The following NDST4 variants were observed in gnomAD, a reference collection of about 807,000 sequenced individuals.
NDST4 encodes N-heparan sulfate sulfotransferase 4.
NDST4 carries 63 observed loss-of-function variants against 100.8 expected under a neutral mutation model. That is an observed-to-expected ratio of 0.62 (90% CI 0.51 to 0.77). NDST4 has a LOEUF of 0.77. Among genes scored for constraint, NDST4 ranks in the 30% least tolerant of loss-of-function variants. The pLI is 0.00. For synonymous variants in NDST4, 377 were observed against 361.8 expected, an observed-to-expected ratio of 1.04 and a Z score of -0.48; for missense variants, 943 against 1,018.4, an observed-to-expected ratio of 0.93 and a Z score of 1.01.
intron 2 of NDST4, among the ~76,000 whole-genome samples, chr4:115,055,162 C>T (rs1442972305): frequency 6.6e-6 from 1 of 152,096 alleles, no homozygotes; most frequent in Non-Finnish European, 1.5e-5. Context: ...TCATGATCTG[C>T]CACTGTCTCC....
At chr4:114,867,598 C>A (rs1322593817) in intron 7 of NDST4, among the ~76,000 whole-genome samples, 2 of 138,274 alleles carry the variant, frequency 1.4e-5, no homozygotes, top group African/African-American at 5.4e-5. Flanking sequence ...AGAATCTGAC[C>A]TTCTAACTTC....
chr4:115,036,807 A>G (rs943438360), intron 2 of NDST4, among the ~76,000 whole-genome samples: 18 of 152,010 alleles, frequency 1.2e-4, no homozygotes, highest in Non-Finnish European at 1.0e-4. Flanking sequence ...CAATACTACA[A>G]AAAATTTTCA....
chr4:114,830,020 A>G (rs1328175030), intron 12 of NDST4, 128 bp from the exon 13 acceptor site: 1 of 679,500 alleles, frequency 1.5e-6, no homozygotes, highest in Non-Finnish European at 2.5e-6. Context: ...TTTTACAGAT[A>G]TTTATTTAGC....
chr4:115,004,728 T>G (rs775582325), intron 2 of NDST4, among the ~76,000 whole-genome samples: 4 of 152,200 alleles, frequency 2.6e-5, no homozygotes, highest in African/African-American at 4.8e-5. Context: ...GTGAGTTGTA[T>G]AAGACATGTA....
intron 6 of NDST4, among the ~76,000 whole-genome samples, chr4:114,901,590 C>G (rs1422905477): frequency 6.6e-6 from 1 of 151,860 alleles, no homozygotes; most frequent in East Asian, 1.9e-4. Context: ...CTCTGACAAT[C>G]TCTATCTTCT....
chr4:115,025,099 A>AATTACCGTTTATTATAG, intron 2 of NDST4, among the ~76,000 whole-genome samples: 1 of 152,184 alleles, frequency 6.6e-6, no homozygotes, highest in East Asian at 1.9e-4. Context: ...GTTCATTATA[A>AATTACCGTTTATTATAG]ATTACCGAGT....
At chr4:115,099,261 A>AT (rs936759907) in intron 1 of NDST4, among the ~76,000 whole-genome samples, 7 of 151,652 alleles carry the variant, frequency 4.6e-5, no homozygotes, top group South Asian at 2.1e-4. Context: ...GATGACCTTG[A>AT]TTTTTTTTTA....
At chr4:115,057,342 C>T (rs1310002302) in intron 2 of NDST4, among the ~76,000 whole-genome samples, 1 of 144,698 alleles carries the variant, frequency 6.9e-6, no homozygotes, top group Non-Finnish European at 1.5e-5. Flanking sequence ...GAAGGAGAAA[C>T]AGAGCCAGAG....
At chr4:115,024,716 T>G (rs547762404) in intron 2 of NDST4, among the ~76,000 whole-genome samples, 1 of 152,210 alleles carries the variant, frequency 6.6e-6, no homozygotes, top group East Asian at 1.9e-4. Context: ...TTGGGGCTAT[T>G]GGAATAGAAT....
At chr4:114,903,688 G>A (rs1025153890) in intron 6 of NDST4, among the ~76,000 whole-genome samples, 45 of 151,992 alleles carry the variant, frequency 3.0e-4, no homozygotes, top group African/African-American at 1.1e-3. Flanking sequence ...TTAGAATGGA[G>A]TTGCGACTGC....
intron 1 of NDST4, among the ~76,000 whole-genome samples, chr4:115,101,946 A>C (rs906098208): frequency 1.3e-5 from 2 of 152,120 alleles, no homozygotes; most frequent in Admixed American, 1.3e-4. Context: ...GAGAGGATTT[A>C]GATTTTGAGG....
chr4:115,084,602 G>A (rs916410686), intron 1 of NDST4, among the ~76,000 whole-genome samples: 4 of 152,134 alleles, frequency 2.6e-5, no homozygotes, highest in Non-Finnish European at 5.9e-5. Context: ...TTGGTGCCCC[G>A]TGCCTCAGGC....
chr4:114,968,698 T>C (rs1189515466), intron 4 of NDST4, among the ~76,000 whole-genome samples: 2 of 152,206 alleles, frequency 1.3e-5, no homozygotes, highest in Non-Finnish European at 2.9e-5. Flanking sequence ...TGCCACAAAA[T>C]ATCACTGTTC....
At chr4:114,938,939 G>T (rs1326627002) in intron 4 of NDST4, among the ~76,000 whole-genome samples, 1 of 152,164 alleles carries the variant, frequency 6.6e-6, no homozygotes, top group Non-Finnish European at 1.5e-5. Flanking sequence ...ACACTGGGGA[G>T]AATTTCATTT....
intron 6 of NDST4, among the ~76,000 whole-genome samples, chr4:114,922,688 T>C (rs1725313015): frequency 6.6e-6 from 1 of 152,184 alleles, no homozygotes; most frequent in African/African-American, 2.4e-5. Context: ...AGGAGACCTG[T>C]GTAGATTTAC....
chr4:115,034,674 C>A (rs1001423165), intron 2 of NDST4, among the ~76,000 whole-genome samples: 4 of 151,930 alleles, frequency 2.6e-5, no homozygotes, highest in Non-Finnish European at 4.4e-5. Flanking sequence ...GTGTTCTAAT[C>A]TTTTATAGGG....
At chr4:115,073,344 C>T (rs1729116091) in intron 2 of NDST4, among the ~76,000 whole-genome samples, 1 of 151,930 alleles carries the variant, frequency 6.6e-6, no homozygotes, top group African/African-American at 2.4e-5. Flanking sequence ...ATTCAACTTA[C>T]CAAATCAATA....
intron 2 of NDST4, among the ~76,000 whole-genome samples, chr4:115,036,889 T>A (rs1728244355): frequency 1.3e-5 from 2 of 152,026 alleles, no homozygotes; most frequent in African/African-American, 4.8e-5. Flanking sequence ...TTCATACTGA[T>A]AATATATTTA....
intron 2 of NDST4, among the ~76,000 whole-genome samples, chr4:114,989,683 G>A (rs1031277535): frequency 6.6e-6 from 1 of 152,176 alleles, no homozygotes; most frequent in African/African-American, 2.4e-5. Flanking sequence ...AAAACATGTA[G>A]AGGAGAAAAA....
Sources: gnomAD v4.1 joint callset for allele counts (sites outside exome capture counted in the v4.1 genomes callset) on GRCh38, gnomAD v4.1.1 for gene constraint, MANE v1.5 for transcripts, NCBI Gene and HGNC (gene_info 2026-07-23, HGNC 2026-07-21) for gene names.